The following HPGD variants were observed in gnomAD, a reference collection of about 807,000 sequenced individuals.
The protein encoded by HPGD is 15-hydroxyprostaglandin dehydrogenase.
Under a neutral mutation model 30.0 loss-of-function variants are expected in HPGD, and 29 were observed. That is an observed-to-expected ratio of 0.97 (90% CI 0.72 to 1.32). HPGD has a LOEUF of 1.32. Among genes scored for constraint, HPGD ranks in the 40% most tolerant of loss-of-function variants. The pLI, the probability that HPGD is intolerant of heterozygous loss-of-function variation, is 0.00. For missense variants in HPGD, 340 were observed against 322.1 expected, an observed-to-expected ratio of 1.06 and a Z score of -0.43; for synonymous variants, 99 against 112.4, an observed-to-expected ratio of 0.88 and a Z score of 0.75.
chr4:174,502,502 C>A (rs932119587), intron 4 of HPGD, among the ~76,000 whole-genome samples: 1 of 151,968 alleles, frequency 6.6e-6, no homozygotes, highest in Non-Finnish European at 1.5e-5. Context: ...CACGGTGAAA[C>A]CCCGTCTCTA....
At chr4:174,503,772 G>C (rs575306729) in intron 4 of HPGD, among the ~76,000 whole-genome samples, 1 of 151,652 alleles carries the variant, frequency 6.6e-6, no homozygotes, top group South Asian at 2.1e-4. Flanking sequence ...GCCCAGGCTG[G>C]AGTGCAGTAG....
In HPGD at chr4:174,496,317, G is replaced by A. The variant is rs568504638; in HGVS notation, c.422-693C>T. On this transcript the variant is annotated intron_variant, in intron 4 of 6. Coordinates refer to ENST00000296522, the MANE Select transcript of HPGD (RefSeq NM_000860.6). The surrounding 1 kb of genome is among the most constrained non-coding windows in gnomAD (Gnocchi z 4.6). The stretch of plus-strand genomic sequence containing the variant: ...AATCAATTACAGAATGTTTTATTTT[G>A]TAATTTTCCACATATGCACAACAGT... Among the ~76,000 whole-genome samples the A allele has an allele frequency of 5.9e-5, 9 of 152,104 alleles. No individual in the cohort carries two copies. In the South Asian group the frequency reaches 1.9e-3, roughly 32 times the overall value.
chr4:174,518,473 GA>G (rs966632996), intron 2 of HPGD, among the ~76,000 whole-genome samples: 12 of 152,180 alleles, frequency 7.9e-5, no homozygotes, highest in Non-Finnish European at 1.5e-4. Flanking sequence ...TAGTCCCTGA[GA>G]AGCTACTGAA....
At chr4:174,504,917 C>T (rs1167458532) in intron 4 of HPGD, among the ~76,000 whole-genome samples, 1 of 152,176 alleles carries the variant, frequency 6.6e-6, no homozygotes, top group Non-Finnish European at 1.5e-5. Context: ...CTGCATTAAA[C>T]CAGACTTCGT....
chr4:174,496,893 A>G lies in HPGD; in HGVS notation c.422-1269T>C, dbSNP rs1189460484. ...ATGGTAGATCACACCTAGTGTGTCC[A>G]CCCAATGATTTCAAAGTATTGTTAA... On this transcript the variant is annotated intron_variant, in intron 4 of 6. Transcript: ENST00000296522. The surrounding 1 kb of genome is among the most constrained non-coding windows in gnomAD (Gnocchi z 4.6). Among the ~76,000 whole-genome samples, 1 of 152,228 alleles carries G rather than the reference A, an allele frequency of 6.6e-6. No homozygotes were observed. Among genetic ancestry groups the G allele is most frequent in the East Asian group, 1.9e-4 (1 of 5,208 alleles).
rs1262478663 is a variant in HPGD at position 174,491,489 on chromosome 4, G to T, written c.*467C>A. The T allele has an allele frequency of 3.5e-5, 6 of 171,208 alleles. No individual in the cohort carries two copies. The South Asian group carries it at 8.8e-4, about 25-fold the overall frequency. The allele number at this position is 171,208 out of a possible 1,614,324, so 10.6% of individuals were successfully genotyped here. On this transcript the variant is annotated 3_prime_UTR_variant, in exon 7 of 7. Coordinates refer to ENST00000296522, the MANE Select transcript of HPGD (RefSeq NM_000860.6). ...AACTGAAATGTTCAGTTGAAAGATG[G>T]TATATAAGTAAAAATTATTATTGTG...
chr4:174,518,194 A>G (rs1359006898), intron 2 of HPGD, 117 bp from the exon 3 acceptor site: 1 of 621,984 alleles, frequency 1.6e-6, no homozygotes, highest in Non-Finnish European at 2.9e-6. Flanking sequence ...AAAGTTACTA[A>G]ACTCATGGGC....
chr4:174,516,459 GAACA>G (rs1735778451), intron 3 of HPGD, among the ~76,000 whole-genome samples: 1 of 152,098 alleles, frequency 6.6e-6, no homozygotes, highest in Non-Finnish European at 1.5e-5. Context: ...ATACAAAGGG[GAACA>G]ATAGTCCCCA....
intron 3 of HPGD, among the ~76,000 whole-genome samples, chr4:174,514,987 T>C (rs1294221100): frequency 6.6e-6 from 1 of 152,030 alleles, no homozygotes; most frequent in Non-Finnish European, 1.5e-5. Context: ...ACAATGAGAA[T>C]TGTAAAACAC....
intron 2 of HPGD, among the ~76,000 whole-genome samples, chr4:174,520,910 T>C (rs45545934): frequency 0.46 from 70,622 of 152,052 alleles, 17,356 homozygotes; most frequent in East Asian, 0.73. Flanking sequence ...ATTTCAGTTA[T>C]GTAATTTCCT....
Position 174,491,774 on chromosome 4 carries a change from T to C in HPGD, c.*182A>G. On this transcript the variant is annotated 3_prime_UTR_variant, in exon 7 of 7. Coordinates refer to ENST00000296522, the MANE Select transcript of HPGD (RefSeq NM_000860.6). ...CTAGCCTTTGGTCCACATCACATTT[T>C]TAATAGTTCATAACTTTTTATCCAT... 1.7e-6 allele frequency: 1 copy of C among 586,856 alleles called. No individual in the cohort carries two copies. The highest frequency in any genetic ancestry group is 3.0e-6 in the Non-Finnish European group (1 of 329,124). 36.4% of individuals were successfully genotyped at this position (586,856 alleles called of 1,614,324 possible).
At chr4:174,497,075 G>A (rs74721462) in intron 4 of HPGD, among the ~76,000 whole-genome samples, 2 of 152,294 alleles carry the variant, frequency 1.3e-5, no homozygotes, top group Non-Finnish European at 2.9e-5. Flanking sequence ...ATAACCAGGA[G>A]TTGCTGCTTC....
chr4:174,510,963 C>T (rs1735461230), intron 3 of HPGD, among the ~76,000 whole-genome samples: 1 of 152,080 alleles, frequency 6.6e-6, no homozygotes, highest in Non-Finnish European at 1.5e-5. Context: ...TTTTGATGCT[C>T]TGGAAGGGAA....
At chr4:174,522,593 G>A (rs1303484365), upstream of HPGD, 2 of 567,506 alleles carry the variant, frequency 3.5e-6, no homozygotes, top group African/African-American at 2.0e-5. Flanking sequence ...TGTCAAGCCA[G>A]CGCCCGCCGG....
intron 4 of HPGD, among the ~76,000 whole-genome samples, chr4:174,503,731 T>C (rs1430272663): frequency 2.6e-4 from 39 of 152,030 alleles, no homozygotes; most frequent in Admixed American, 2.6e-3. Flanking sequence ...TTTTTTTTTT[T>C]TTCTTTTGAG....
At chr4:174,497,905 C>T (rs867779794) in intron 4 of HPGD, among the ~76,000 whole-genome samples, 15 of 150,386 alleles carry the variant, frequency 1.0e-4, no homozygotes, top group Admixed American at 5.3e-4. Flanking sequence ...TTCTCTCTCT[C>T]TCTCTCTTCC....
intron 3 of HPGD, among the ~76,000 whole-genome samples, chr4:174,512,028 A>G (rs1735533790): frequency 6.6e-6 from 1 of 152,236 alleles, no homozygotes; most frequent in African/African-American, 2.4e-5. Flanking sequence ...AGTATAAAAT[A>G]GCCTAATGGA....
chr4:174,510,032 T>C (rs2110839243), intron 3 of HPGD, among the ~76,000 whole-genome samples: 1 of 152,352 alleles, frequency 6.6e-6, no homozygotes, highest in East Asian at 1.9e-4. Flanking sequence ...GGAAAATTCT[T>C]TTTTGACATC....
intron 2 of HPGD, 61 bp downstream of exon 2, chr4:174,521,883 C>A: frequency 6.2e-7 from 1 of 1,609,578 alleles, no homozygotes; most frequent in Admixed American, 1.7e-5. Flanking sequence ...GCCGGGCTGC[C>A]TTCAGGTTGT....
Sources: allele counts gnomAD v4.1 joint callset (sites outside exome capture counted in the v4.1 genomes callset), GRCh38; gene constraint gnomAD v4.1.1; non-coding constraint Gnocchi (gnomAD v3.1); transcripts MANE v1.5; gene names NCBI Gene and HGNC (gene_info 2026-07-23, HGNC 2026-07-21).